Variants in GRID2 observed in about 807,000 individuals in gnomAD.
GRID2 encodes glutamate receptor ionotropic, delta-2.
In GRID2, 33 loss-of-function variants were observed where a neutral mutation model predicts 114.8. The ratio of observed to expected loss-of-function variants is 0.29; its 90% confidence interval spans 0.22 to 0.38. The LOEUF (loss-of-function observed/expected upper bound fraction) is 0.38. Ranked by LOEUF, GRID2 falls within the 10% of genes least tolerant of loss-of-function variation. The pLI is 1.00. For missense variants in GRID2, 1,184 were observed against 1,257.7 expected (o/e 0.94, Z 0.89); for synonymous variants, 505 against 449.9 (o/e 1.12, Z -1.55).
intron 4 of GRID2, among the ~76,000 whole-genome samples, chr4:93,202,961 A>G (rs1387147443): frequency 6.6e-6 from 1 of 152,048 alleles, no homozygotes; most frequent in African/African-American, 2.4e-5. Flanking sequence ...ATACTACTAT[A>G]CATTCTTTTT....
At chr4:92,559,590 A>T (rs1560711351) in intron 1 of GRID2, among the ~76,000 whole-genome samples, 1 of 152,318 alleles carries the variant, frequency 6.6e-6, no homozygotes, top group South Asian at 2.1e-4. Flanking sequence ...TGTCTTCCAC[A>T]GTCAAAGCAA....
intron 1 of GRID2, among the ~76,000 whole-genome samples, chr4:92,411,653 G>GTATATATATATATATATATATATA (rs770186876): frequency 6.4e-4 from 63 of 98,766 alleles, no homozygotes; most frequent in African/African-American, 2.3e-3. Context: ...GTGTGTGTGT[G>GTATATATATATATATATATATATA]TGTATATATA....
intron 14 of GRID2, among the ~76,000 whole-genome samples, chr4:93,650,000 C>CACCT (rs1722444973): frequency 6.6e-6 from 1 of 152,078 alleles, no homozygotes; most frequent in Non-Finnish European, 1.5e-5. Flanking sequence ...TCCCCACCAC[C>CACCT]ACCTCCCTGA....
intron 8 of GRID2, among the ~76,000 whole-genome samples, chr4:93,335,624 T>G (rs1014584573): frequency 1.3e-5 from 2 of 152,118 alleles, no homozygotes; most frequent in Non-Finnish European, 2.9e-5. Context: ...TATTTCAAAT[T>G]TTAAGTTTTT....
chr4:93,761,338 A>C (rs1270889058), intron 14 of GRID2, among the ~76,000 whole-genome samples: 1 of 152,214 alleles, frequency 6.6e-6, no homozygotes, highest in Non-Finnish European at 1.5e-5. Context: ...GTGAAATGAG[A>C]ACTTATTGGC....
At chr4:93,282,594 T>G (rs1297370186) in intron 8 of GRID2, among the ~76,000 whole-genome samples, 2 of 152,052 alleles carry the variant, frequency 1.3e-5, no homozygotes, top group East Asian at 3.9e-4. Context: ...CTTCATGAAC[T>G]AATTACCTCT....
Position 92,703,389 on chromosome 4 carries a change from A to C in GRID2, c.244+113103A>C, listed in dbSNP as rs78007014. ...GTTATTATTTAAAAATACTGACTTT[A>C]AAGAAACCTAAGATATATGAACTAT... is the stretch of plus-strand genomic sequence containing the variant. On this transcript the variant is annotated intron_variant, in intron 2 of 15. Transcript: ENST00000282020. 5.7e-3 allele frequency among the ~76,000 whole-genome samples: 875 copies of C among 152,190 alleles called. 25 individuals are homozygous for C. The South Asian group carries it at 0.071, about 12-fold the overall frequency.
chr4:92,852,063 T>C (rs920903656), intron 2 of GRID2, among the ~76,000 whole-genome samples: 1 of 151,814 alleles, frequency 6.6e-6, no homozygotes, highest in African/African-American at 2.4e-5. Context: ...TTAAGTTGCA[T>C]TAAAAACATT....
At chr4:92,512,496 C>G (rs1724303652) in intron 1 of GRID2, among the ~76,000 whole-genome samples, 1 of 151,852 alleles carries the variant, frequency 6.6e-6, no homozygotes, top group African/African-American at 2.4e-5. Context: ...TTATTTGTCA[C>G]TATGTCCAGC....
intron 13 of GRID2, among the ~76,000 whole-genome samples, chr4:93,548,449 A>G (rs943686047): frequency 2.0e-5 from 3 of 152,138 alleles, no homozygotes; most frequent in Admixed American, 6.5e-5. Flanking sequence ...AAGGCTTTTT[A>G]CTTTTTTCAA....
At chr4:93,065,591 A>G (rs933730474) in intron 2 of GRID2, among the ~76,000 whole-genome samples, 3 of 151,926 alleles carry the variant, frequency 2.0e-5, no homozygotes, top group African/African-American at 7.2e-5. Flanking sequence ...GATGTGAGAT[A>G]GGAACATTGT....
intron 2 of GRID2, among the ~76,000 whole-genome samples, chr4:92,988,868 A>G (rs984008469): frequency 1.3e-5 from 2 of 152,230 alleles, no homozygotes; most frequent in African/African-American, 4.8e-5. Context: ...AGAAAATGGC[A>G]TAACTGATAC....
At chr4:92,385,486 AT>A (rs76335072) in intron 1 of GRID2, among the ~76,000 whole-genome samples, 51 of 149,440 alleles carry the variant, frequency 3.4e-4, no homozygotes, top group East Asian at 2.4e-3. Flanking sequence ...AAATCAAACC[AT>A]TTTTTTTTTC....
In GRID2 at chr4:92,693,789, A is replaced by T. The variant is rs938617086; in HGVS notation, c.244+103503A>T. 4.6e-5 allele frequency among the ~76,000 whole-genome samples: 7 copies of T among 152,236 alleles called. No homozygotes were observed. In the East Asian group the frequency reaches 1.3e-3, roughly 29 times the overall value. The stretch of plus-strand genomic sequence containing the variant: ...ATGGAACTTAAATTATAGTTATTAA[A>T]TGCTTACTATGTTAAAATACTCTGT... On this transcript the variant is annotated intron_variant, in intron 2 of 15. Coordinates refer to ENST00000282020, the MANE Select transcript of GRID2 (RefSeq NM_001510.4).
intron 4 of GRID2, among the ~76,000 whole-genome samples, chr4:93,134,662 G>A (rs1335743998): frequency 6.6e-6 from 1 of 151,872 alleles, no homozygotes; most frequent in African/African-American, 2.4e-5. Context: ...AATATTCTCA[G>A]CCACTATTAA....
At chr4:92,624,880 G>C (rs1366579029) in intron 2 of GRID2, among the ~76,000 whole-genome samples, 1 of 151,686 alleles carries the variant, frequency 6.6e-6, no homozygotes, top group Admixed American at 6.6e-5. Flanking sequence ...GGTTAAAAAA[G>C]AGGTAATACT....
intron 1 of GRID2, among the ~76,000 whole-genome samples, chr4:92,550,081 A>G (rs919186734): frequency 6.6e-6 from 1 of 152,186 alleles, no homozygotes; most frequent in Admixed American, 6.5e-5. Context: ...GAACTTCCAG[A>G]ATAAGACATT....
intron 2 of GRID2, among the ~76,000 whole-genome samples, chr4:93,007,377 A>G (rs1306617500): frequency 6.6e-6 from 1 of 152,182 alleles, no homozygotes; most frequent in African/African-American, 2.4e-5. Context: ...AGGCAAACAG[A>G]TCAAATTACT....
chr4:92,938,089 G>A (rs929572341), intron 2 of GRID2, among the ~76,000 whole-genome samples: 1 of 146,588 alleles, frequency 6.8e-6, no homozygotes, highest in South Asian at 2.3e-4. Flanking sequence ...CTTTATGCAT[G>A]AACTGAGAAG....
Sources: gnomAD v4.1 joint callset for allele counts (sites outside exome capture counted in the v4.1 genomes callset) on GRCh38, gnomAD v4.1.1 for gene constraint, MANE v1.5 for transcripts, NCBI Gene and HGNC (gene_info 2026-07-23, HGNC 2026-07-21) for gene names.